Variants in LEKR1 observed in about 807,000 individuals in gnomAD.
LEKR1 encodes the protein leucine, glutamate and lysine rich 1, also known as protein LEKR1.
LEKR1 carries 59 observed loss-of-function variants against 72.4 expected under a neutral mutation model. That is an observed-to-expected ratio of 0.82 (90% CI 0.66 to 1.01). The LOEUF (loss-of-function observed/expected upper bound fraction) is 1.01, where lower values mean the gene tolerates loss of function less well. Among genes scored for constraint, LEKR1 ranks in the 50% least tolerant of loss-of-function variants. LEKR1 has a pLI of 0.00. For synonymous variants in LEKR1, 257 were observed against 263.2 expected (o/e 0.98, Z 0.23); for missense variants, 728 against 759.2 (o/e 0.96, Z 0.48).
intron 10 of LEKR1, among the ~76,000 whole-genome samples, chr3:157,022,953 T>C (rs1308275402): frequency 1.3e-5 from 2 of 152,232 alleles, no homozygotes; most frequent in African/African-American, 4.8e-5. Context: ...TTAAGGCAGA[T>C]GCTTAGTCCT....
At chr3:156,915,064 G>T (rs143647652) in intron 3 of LEKR1, among the ~76,000 whole-genome samples, 1 of 151,904 alleles carries the variant, frequency 6.6e-6, no homozygotes, top group African/African-American at 2.4e-5. Context: ...TGCTGTGTTA[G>T]CTTGCTAAGG....
intron 3 of LEKR1, among the ~76,000 whole-genome samples, chr3:156,886,845 A>G (rs2108555273): frequency 6.6e-6 from 1 of 152,342 alleles, no homozygotes; most frequent in Middle Eastern, 3.4e-3. Flanking sequence ...CAATCAAACA[A>G]GAATTCATAT....
intron 3 of LEKR1, among the ~76,000 whole-genome samples, chr3:156,887,039 G>A (rs1470925982): frequency 6.6e-6 from 1 of 152,038 alleles, no homozygotes; most frequent in Non-Finnish European, 1.5e-5. Flanking sequence ...TATGTTATAT[G>A]TCTGTTTTTC....
chr3:157,003,878 T>A (rs1413890604), intron 9 of LEKR1, among the ~76,000 whole-genome samples: 2 of 151,072 alleles, frequency 1.3e-5, no homozygotes, highest in Non-Finnish European at 3.0e-5. Flanking sequence ...TAAAATTGAA[T>A]CATAAAACAT....
intron 3 of LEKR1, among the ~76,000 whole-genome samples, chr3:156,914,157 A>T (rs979006460): frequency 6.6e-6 from 1 of 152,076 alleles, no homozygotes. Flanking sequence ...CTTTAAAAAA[A>T]TTTTTTACTG....
chr3:157,025,458 G>A (rs1262282429), intron 11 of LEKR1, among the ~76,000 whole-genome samples: 1 of 150,784 alleles, frequency 6.6e-6, no homozygotes, highest in Non-Finnish European at 1.5e-5. Context: ...GAGTGTGTAT[G>A]TGTGTGTGTG....
intron 3 of LEKR1, 30 bp downstream of exon 3, chr3:156,853,012 AT>A (rs1261231935): frequency 1.5e-5 from 21 of 1,417,540 alleles, no homozygotes; most frequent in Non-Finnish European, 1.9e-5. Flanking sequence ...TCTATCATTT[AT>A]TTAGTTGAAA....
At chr3:156,956,065 G>A (rs1223408878) in intron 6 of LEKR1, among the ~76,000 whole-genome samples, 1 of 151,762 alleles carries the variant, frequency 6.6e-6, no homozygotes, top group Non-Finnish European at 1.5e-5. Context: ...AAACAGTAAA[G>A]TAATTTATTG....
chr3:157,032,772 T>G (rs536937975), intron 12 of LEKR1, among the ~76,000 whole-genome samples: 1 of 152,150 alleles, frequency 6.6e-6, no homozygotes, highest in Non-Finnish European at 1.5e-5. Flanking sequence ...ATAACTTGTT[T>G]TATTGCATGT....
At chr3:156,960,908 AT>A in intron 6 of LEKR1, among the ~76,000 whole-genome samples, 1 of 152,190 alleles carries the variant, frequency 6.6e-6, no homozygotes, top group African/African-American at 2.4e-5. Context: ...GCTCACACTA[AT>A]AACTTCCAAA....
At chr3:157,019,208 T>C (rs1395447831) in intron 10 of LEKR1, among the ~76,000 whole-genome samples, 1 of 152,144 alleles carries the variant, frequency 6.6e-6, no homozygotes, top group Non-Finnish European at 1.5e-5. Flanking sequence ...AAGGTATCAT[T>C]GAGTAATAAA....
intron 9 of LEKR1, among the ~76,000 whole-genome samples, chr3:156,994,324 C>T (rs1337966572): frequency 6.6e-6 from 1 of 151,980 alleles, no homozygotes; most frequent in Non-Finnish European, 1.5e-5. Context: ...AACACTGTTC[C>T]CTGGGCACCA....
chr3:156,856,652 G>A (rs1183869398), intron 3 of LEKR1, among the ~76,000 whole-genome samples: 3 of 152,092 alleles, frequency 2.0e-5, no homozygotes, highest in South Asian at 2.1e-4. Flanking sequence ...TAAATACATC[G>A]TGTATTAGTT....
chr3:156,921,451 C>A (rs1158328649), intron 4 of LEKR1, among the ~76,000 whole-genome samples: 1 of 152,056 alleles, frequency 6.6e-6, no homozygotes, highest in Admixed American at 6.6e-5. Flanking sequence ...AATTCATTTT[C>A]TGATAATAAC....
chr3:156,880,835 G>A (rs888750589), intron 3 of LEKR1, among the ~76,000 whole-genome samples: 1 of 152,186 alleles, frequency 6.6e-6, no homozygotes, highest in African/African-American at 2.4e-5. Flanking sequence ...GGGATGCAAG[G>A]CTGGTTCAAT....
intron 3 of LEKR1, among the ~76,000 whole-genome samples, chr3:156,917,457 G>A (rs184457338): frequency 2.6e-5 from 4 of 152,104 alleles, no homozygotes; most frequent in Admixed American, 2.6e-4. Context: ...AGAAACCCAA[G>A]TGAAAAGTAA....
At chr3:156,954,153 T>C (rs1727414796) in intron 6 of LEKR1, among the ~76,000 whole-genome samples, 1 of 151,874 alleles carries the variant, frequency 6.6e-6, no homozygotes, top group Non-Finnish European at 1.5e-5. Flanking sequence ...TGGCTGCATG[T>C]ATGTCTTCTT....
chr3:156,873,969 C>G (rs1210002882), intron 3 of LEKR1, among the ~76,000 whole-genome samples: 2 of 151,956 alleles, frequency 1.3e-5, no homozygotes, highest in African/African-American at 4.8e-5. Context: ...CTATAATGTG[C>G]TATGGTGAAG....
chr3:156,895,371 TGGGAGGCCAAGGTG>T (rs1282878977), intron 3 of LEKR1, among the ~76,000 whole-genome samples: 1 of 152,174 alleles, frequency 6.6e-6, no homozygotes, highest in Non-Finnish European at 1.5e-5. Flanking sequence ...CCCAGCATTT[TGGGAGGCCAAGGTG>T]GGTGGATCAA....
Sources: gnomAD v4.1 joint callset for allele counts (sites outside exome capture counted in the v4.1 genomes callset) on GRCh38, gnomAD v4.1.1 for gene constraint, MANE v1.5 for transcripts, NCBI Gene and HGNC (gene_info 2026-07-23, HGNC 2026-07-21) for gene names.